Variants in DCDC2 observed in about 807,000 individuals in gnomAD.
DCDC2 encodes doublecortin domain-containing protein 2.
DCDC2 carries 40 observed loss-of-function variants against 50.2 expected under a neutral mutation model. That is an observed-to-expected ratio of 0.80 (90% CI 0.62 to 1.04). DCDC2 has a LOEUF of 1.04. DCDC2 is among the 50% of genes least tolerant of loss of function. The pLI is 0.00. For synonymous variants in DCDC2, 234 were observed against 210.6 expected (o/e 1.11, Z -0.96); for missense variants, 570 against 581.9 (o/e 0.98, Z 0.21).
intron 9 of DCDC2, among the ~76,000 whole-genome samples, chr6:24,177,534 G>A (rs1760951874): frequency 6.6e-6 from 1 of 152,168 alleles, no homozygotes; most frequent in Non-Finnish European, 1.5e-5. Flanking sequence ...CTGACGGATA[G>A]ACAGGAAGGG....
intron 2 of DCDC2, among the ~76,000 whole-genome samples, chr6:24,324,624 C>G (rs1759826480): frequency 6.6e-6 from 1 of 151,986 alleles, no homozygotes; most frequent in Non-Finnish European, 1.5e-5. Context: ...TGGCTCACAC[C>G]TGTAATCCCA....
chr6:24,325,371 C>T (rs1759840261), intron 2 of DCDC2, among the ~76,000 whole-genome samples: 1 of 149,652 alleles, frequency 6.7e-6, no homozygotes, highest in South Asian at 2.2e-4. Context: ...ATGTGAGAGG[C>T]TGGAAGCCTC....
upstream of DCDC2, among the ~76,000 whole-genome samples, chr6:24,359,214 T>TTTTATATATTA (rs1561789235): frequency 1.8e-4 from 11 of 59,718 alleles, no homozygotes; most frequent in African/African-American, 9.0e-4. Flanking sequence ...ATTTTATATA[T>TTTTATATATTA]TATATATTTT....
intron 2 of DCDC2, among the ~76,000 whole-genome samples, chr6:24,303,082 G>A (rs1182671910): frequency 1.3e-5 from 2 of 151,716 alleles, no homozygotes; most frequent in African/African-American, 4.8e-5. Context: ...GTCCCCGGCT[G>A]TCTCTGCTTG....
chr6:24,312,766 T>G (rs1759595834), intron 2 of DCDC2, among the ~76,000 whole-genome samples: 1 of 152,206 alleles, frequency 6.6e-6, no homozygotes, highest in Admixed American at 6.5e-5. Flanking sequence ...TTTTGCCTTT[T>G]GTACTGTGAT....
At position 24,173,296 on chromosome 6, in the gene DCDC2, G is replaced by C. The variant is rs762894208; in HGVS notation, c.*1434C>G. On this transcript the variant is annotated 3_prime_UTR_variant, in exon 10 of 10. Coordinates refer to ENST00000378454, the MANE Select transcript of DCDC2 (RefSeq NM_016356.5). ...AGAAAAAACACATCTATTTTCTATA[G>C]TATTATTAAGTGCTTTATATAACTG... 1.3e-5 allele frequency: 2 copies of C among 151,918 alleles called. No homozygotes were observed. The highest frequency in any genetic ancestry group is 2.9e-5 in the Non-Finnish European group (2 of 67,972). 9.4% of individuals were successfully genotyped at this position (151,918 alleles called of 1,614,324 possible). A position where few individuals can be genotyped will look rare whatever the true frequency, so the allele number is the denominator to read the frequency against.
intron 2 of DCDC2, among the ~76,000 whole-genome samples, chr6:24,348,700 T>C (rs528484011): frequency 6.6e-6 from 1 of 151,898 alleles, no homozygotes; most frequent in East Asian, 1.9e-4. Flanking sequence ...AACAAAAGGG[T>C]CTATTATATT....
intron 7 of DCDC2, among the ~76,000 whole-genome samples, chr6:24,239,118 A>C (rs1004862105): frequency 7.9e-5 from 12 of 152,214 alleles, no homozygotes; most frequent in Admixed American, 4.6e-4. Flanking sequence ...AAACATGAAT[A>C]AGGCATAGTC....
At chr6:24,335,883 C>T (rs529033563) in intron 2 of DCDC2, among the ~76,000 whole-genome samples, 23 of 152,286 alleles carry the variant, frequency 1.5e-4, no homozygotes, top group Admixed American at 3.3e-4. Context: ...TACCTGGTCC[C>T]ACCCTCCACA....
chr6:24,382,979 T>C, the DCDC2 span, among the ~76,000 whole-genome samples: 3 of 152,178 alleles, frequency 2.0e-5, no homozygotes, highest in East Asian at 1.9e-4. Flanking sequence ...TGTTTTATTA[T>C]AGGGTAAAAT....
At chr6:24,206,972 A>G (rs793862) in intron 7 of DCDC2, among the ~76,000 whole-genome samples, 90,531 of 152,034 alleles carry the variant, frequency 0.6, 30,472 homozygotes, top group Non-Finnish European at 0.73. Context: ...AAAGGAATTC[A>G]TAAGAATAAA....
At chr6:24,241,454 C>T (rs1581606328) in intron 7 of DCDC2, among the ~76,000 whole-genome samples, 1 of 152,234 alleles carries the variant, frequency 6.6e-6, no homozygotes, top group Non-Finnish European at 1.5e-5. Context: ...AGTATTGTTA[C>T]AGGAAGGTTT....
At position 24,174,694 on chromosome 6, in the gene DCDC2, T is replaced by C; in HGVS notation, c.*36A>G. 1 of 1,441,608 alleles carries C rather than the reference T, an allele frequency of 6.9e-7. No individual in the cohort carries two copies. The highest frequency in any genetic ancestry group is 9.7e-7 in the Non-Finnish European group (1 of 1,026,102). The allele number at this position is 1,441,608 out of a possible 1,614,324, so 89.3% of individuals were successfully genotyped here. A position where few individuals can be genotyped will look rare whatever the true frequency, so the allele number is the denominator to read the frequency against. On this transcript the variant is annotated 3_prime_UTR_variant, in exon 10 of 10. Transcript: ENST00000378454. ...TTTCAAGTATGATAACCCTTCATTT[T>C]TCTTGCGATCCATATACTCTCTTTT...
chr6:24,377,387 T>C, the DCDC2 span, among the ~76,000 whole-genome samples: 1 of 152,192 alleles, frequency 6.6e-6, no homozygotes, highest in Non-Finnish European at 1.5e-5. Flanking sequence ...TGACTAGAGA[T>C]TCATTATATT....
intron 4 of DCDC2, among the ~76,000 whole-genome samples, chr6:24,292,096 C>T (rs903194013): frequency 7.2e-5 from 11 of 152,058 alleles, no homozygotes; most frequent in Non-Finnish European, 1.5e-5. Context: ...AAAACTGCTG[C>T]TACGAGCTAC....
upstream of DCDC2, among the ~76,000 whole-genome samples, chr6:24,359,032 T>TATATTATATA: frequency 3.3e-5 from 1 of 30,142 alleles, no homozygotes; most frequent in African/African-American, 1.4e-4. Context: ...ATATTTTATA[T>TATATTATATA]TTTATATATA....
chr6:24,287,248 G>T (rs1763632894), intron 6 of DCDC2, among the ~76,000 whole-genome samples: 1 of 152,228 alleles, frequency 6.6e-6, no homozygotes. Context: ...TTGTCCCGGG[G>T]CTCGGGAGCA....
intron 7 of DCDC2, among the ~76,000 whole-genome samples, chr6:24,243,148 C>T (rs1762600654): frequency 6.6e-6 from 1 of 152,218 alleles, no homozygotes; most frequent in South Asian, 2.1e-4. Flanking sequence ...CACTGCCAGA[C>T]TCAAACAAGC....
At chr6:24,318,715 G>C (rs567327095) in intron 2 of DCDC2, among the ~76,000 whole-genome samples, 3 of 151,756 alleles carry the variant, frequency 2.0e-5, no homozygotes, top group Non-Finnish European at 4.4e-5. Context: ...TTCCATCCAT[G>C]TTGCGGCAAA....
Sources: gnomAD v4.1 joint callset for allele counts (sites outside exome capture counted in the v4.1 genomes callset) on GRCh38, gnomAD v4.1.1 for gene constraint, MANE v1.5 for transcripts, NCBI Gene and HGNC (gene_info 2026-07-23, HGNC 2026-07-21) for gene names.